SPEG: variants seen among roughly 807,000 people sequenced by gnomAD.
SPEG encodes the protein striated muscle enriched protein kinase.
Under a neutral mutation model 300.4 loss-of-function variants are expected in SPEG, and 114 were observed. The observed-to-expected ratio is 0.38, with a 90% CI of 0.33 to 0.44. The LOEUF is 0.44. SPEG is among the 20% of genes least tolerant of loss of function. The probability of loss-of-function intolerance (pLI) is 1.00; values close to 1 mark genes in which losing one functional copy is unlikely to be tolerated. For missense variants in SPEG, 4,201 were observed against 4,586.2 expected (o/e 0.92, Z 2.43); for synonymous variants, 1,964 against 2,018.9 (o/e 0.97, Z 0.73).
chr2:219,470,169 G>A (rs538212902), intron 13 of SPEG, among the ~76,000 whole-genome samples: 34 of 152,308 alleles, frequency 2.2e-4, no homozygotes, highest in Admixed American at 2.1e-3. Context: ...CTAAAGGTAT[G>A]ACAAGGACCA....
At position 219,479,273 on chromosome 2, in the gene SPEG, A is replaced by G. The variant is rs578056091; in HGVS notation, c.5085+72A>G. ...CCACCTGAGCTTTGAGAACCAACAAATGGGTCCTGAGTGTGCCATCTGTGC... is the reference window on the plus strand; with the variant it reads ...CCACCTGAGCTTTGAGAACCAACAAGTGGGTCCTGAGTGTGCCATCTGTGC... On this transcript the variant is annotated intron_variant, in intron 23 of 40. Transcript: ENST00000312358. This position sits in a 1 kb window ranked among gnomAD's most constrained non-coding sequence, Gnocchi z 5.5. The G allele has an allele frequency of 6.0e-6, 8 of 1,328,206 alleles. No individual in the cohort carries two copies. In the Admixed American group the frequency reaches 8.8e-5, roughly 15 times the overall value. 82.3% of individuals were successfully genotyped at this position (1,328,206 alleles called of 1,614,324 possible).
chr2:219,467,698 T>A (rs141122247), intron 10 of SPEG, among the ~76,000 whole-genome samples: 53 of 152,386 alleles, frequency 3.5e-4, no homozygotes, highest in African/African-American at 8.7e-4. Context: ...ACGCCTGCCC[T>A]GCAAGTCACC....
At position 219,488,606 on chromosome 2, in the gene SPEG, A is replaced by T; in HGVS notation, c.7967A>T (p.Glu2656Val). The T allele has an allele frequency of 6.2e-7, 1 of 1,612,082 alleles. No individual in the cohort carries two copies. The change falls in exon 33 of 41, where the codon GAG becomes GTG. Residue 2656 changes from glutamate to valine, a missense_variant. Transcript: ENST00000312358. ...GGCAAGCGGCACGCCGGTCTCTATG[A>T]GTGCTCGGCCACCAACGTACTGGGC... is the stretch of plus-strand genomic sequence containing the variant. ...RAGKRHAGLYECSATNVLGSI... is the reference protein window; with the variant it reads ...RAGKRHAGLYVCSATNVLGSI...
At chr2:219,435,903 C>A (rs1954706461) in intron 1 of SPEG, among the ~76,000 whole-genome samples, 1 of 152,194 alleles carries the variant, frequency 6.6e-6, no homozygotes, top group East Asian at 1.9e-4. Flanking sequence ...CTATGGTTGG[C>A]CACGTGTGAA....
Position 219,491,870 on chromosome 2 carries a change from G to GT in SPEG, c.9461+2dup. Reference sequence around the variant, plus strand: ...GAGCGGGTGTGCTCACTTACATTATGTGAGTGTCCCCTACCCCACCGCAGC... The same window carrying GT: ...GAGCGGGTGTGCTCACTTACATTATGTTGAGTGTCCCCTACCCCACCGCAGC... On this transcript the variant is annotated splice_donor_variant, in intron 39 of 40. Coordinates refer to ENST00000312358, the MANE Select transcript of SPEG (RefSeq NM_005876.5). LOFTEE classifies it high-confidence loss of function. The GT allele has an allele frequency of 6.2e-7, 1 of 1,600,856 alleles. No homozygotes were observed.
In SPEG at chr2:219,469,098, C is replaced by T. The variant is rs775223405; in HGVS notation, c.3491+50C>T. ...CTGGGGCTGCCTGTGAGGGGCCAGC[C>T]CAGCCCTGGGGTGGGAGGCACGGCC... is the stretch of plus-strand genomic sequence containing the variant. On this transcript the variant is annotated intron_variant, in intron 12 of 40. Transcript: ENST00000312358. The T allele has an allele frequency of 5.6e-6, 9 of 1,609,412 alleles. No homozygotes were observed. In the South Asian group the frequency reaches 8.8e-5, roughly 16 times the overall value.
chr2:219,454,043 G>A (rs933203352), intron 6 of SPEG, among the ~76,000 whole-genome samples: 19 of 152,250 alleles, frequency 1.2e-4, no homozygotes, highest in Non-Finnish European at 1.5e-5. Context: ...TGCAGCCACC[G>A]CCCTCTCTTG....
rs563926367 is a variant in SPEG, at chr2:219,460,421, C to T, written c.2441-1461C>T. 677 of 985,452 alleles carry T rather than the reference C, an allele frequency of 6.9e-4. 8 individuals are homozygous for T. The African/African-American group carries it at 0.011, about 16-fold the overall frequency. The allele number at this position is 985,452 out of a possible 1,614,324, so 61.0% of individuals were successfully genotyped here. A position where few individuals can be genotyped will look rare whatever the true frequency, so the allele number is the denominator to read the frequency against. On this transcript the variant is annotated intron_variant, in intron 6 of 40. Coordinates refer to ENST00000312358, the MANE Select transcript of SPEG (RefSeq NM_005876.5). Reference sequence around the variant, plus strand: ...AAGGGGCAACACAGGGAACATTTCCCACGGGCACCTTCTTTGGTGGACGTG... The same window carrying T: ...AAGGGGCAACACAGGGAACATTTCCTACGGGCACCTTCTTTGGTGGACGTG...
Position 219,451,115 on chromosome 2 carries a change from C to A in SPEG, c.2114-21C>A. The A allele has an allele frequency of 6.3e-7, 1 of 1,597,266 alleles. No homozygotes were observed. Among genetic ancestry groups the A allele is most frequent in the Non-Finnish European group, 8.5e-7 (1 of 1,172,280 alleles). ...CTGCAGGGATCATGGCCCCTTACCC[C>A]GTTATTCCTGTGTCCGGCAGAGTCT... On this transcript the variant is annotated intron_variant, in intron 4 of 40. Transcript: ENST00000312358. The surrounding 1 kb of genome is among the most constrained non-coding windows in gnomAD (Gnocchi z 6.4).
At chr2:219,450,851 G>T (rs1160782225) in intron 4 of SPEG, 3 of 327,436 alleles carry the variant, frequency 9.2e-6, no homozygotes, top group Non-Finnish European at 1.7e-5. Context: ...GTGCAGTCCT[G>T]TCTTTCTCCA....
intron 31 of SPEG, among the ~76,000 whole-genome samples, chr2:219,486,762 A>G (rs935210259): frequency 1.3e-5 from 2 of 151,988 alleles, no homozygotes; most frequent in African/African-American, 4.8e-5. Flanking sequence ...CGGGGCTGGC[A>G]GGGCTGGGCC....
In SPEG at chr2:219,492,710, G is replaced by C; in HGVS notation, c.9728G>C (p.Gly3243Ala). Residue 3243 changes from glycine to alanine, a missense_variant, in exon 41 of 41, where the codon GGC (glycine) becomes GCC (alanine). Physicochemically the swap from Gly to Ala is moderately conservative, Grantham distance 60. This residue lies in a region of SPEG where 318 missense variants were observed against 429.5 expected (regional missense o/e 0.74). Transcript: ENST00000312358. ...ACCAACCGGCTCAAGGAGTTCCTGG[G>C]CGAGCAGCGGCGGCGCCGGGCTGAG... The part of the protein sequence containing the change: ...FTTNRLKEFL[G>A]EQRRRRAEAA... The C allele has an allele frequency of 6.2e-7, 1 of 1,605,294 alleles. No homozygotes were observed. Among genetic ancestry groups the C allele is most frequent in the Non-Finnish European group, 8.5e-7 (1 of 1,179,528 alleles).
At position 219,462,329 on chromosome 2, in the gene SPEG, G is replaced by C; in HGVS notation, c.2648G>C (p.Gly883Ala). ...VSLMDQSVREGQDVIMSIRVQ... is the reference protein window; with the variant it reads ...VSLMDQSVREAQDVIMSIRVQ... The stretch of plus-strand genomic sequence containing the variant: ...CTTATGGACCAGTCAGTAAGAGAAG[G>C]CCAAGATGTCATCATGAGCATCCGC... The change falls in exon 8 of 41, where the codon GGC (glycine) becomes GCC (alanine). Residue 883 changes from glycine to alanine, a missense_variant. Gly to Ala is a moderately conservative substitution (Grantham distance 60, BLOSUM62 0). Transcript: ENST00000312358. The C allele has an allele frequency of 6.4e-7, 1 of 1,570,308 alleles. No homozygotes were observed. The highest frequency in any genetic ancestry group is 8.6e-7 in the Non-Finnish European group (1 of 1,156,450).
Position 219,485,367 on chromosome 2 carries a change from G to A in SPEG, c.7631G>A (p.Arg2544Gln). The A allele has an allele frequency of 1.2e-6, 2 of 1,606,086 alleles. No homozygotes were observed. The highest frequency in any genetic ancestry group is 1.7e-6 in the Non-Finnish European group (2 of 1,176,744). The change falls in exon 31 of 41, where the codon CGG (arginine) becomes CAG (glutamine). Residue 2544 changes from arginine (R) to glutamine (Q), a missense_variant. Physicochemically the swap from Arg to Gln is conservative, Grantham distance 43. This residue lies in a region of SPEG where 1,578 missense variants were observed against 1,506.0 expected (regional missense o/e 1.05). Transcript: ENST00000312358. ...ACAGCCCCAGGGGAAAGCCGAAGCCGGCTCCGCTGGGGCTTCTCTCGGCCG... is the reference window on the plus strand; with the variant it reads ...ACAGCCCCAGGGGAAAGCCGAAGCCAGCTCCGCTGGGGCTTCTCTCGGCCG... The part of the protein sequence containing the change: ...GSSAPGESRS[R>Q]LRWGFSRPRK...
chr2:219,460,541 G>A (rs1221043711), intron 6 of SPEG: 6 of 985,354 alleles, frequency 6.1e-6, no homozygotes, highest in Non-Finnish European at 7.2e-6. Flanking sequence ...CACACCTTGA[G>A]TCAAGGCACC....
intron 6 of SPEG, among the ~76,000 whole-genome samples, chr2:219,456,589 G>A (rs1690199381): frequency 6.6e-6 from 1 of 152,306 alleles, no homozygotes; most frequent in Non-Finnish European, 1.5e-5. Context: ...TTCCTCACCT[G>A]GAGCAAACTA....
chr2:219,470,517 G>A (rs902278070), intron 13 of SPEG, among the ~76,000 whole-genome samples: 2 of 152,214 alleles, frequency 1.3e-5, no homozygotes, highest in Admixed American at 1.3e-4. Context: ...GCTTCTGCCT[G>A]TATCTGGGGT....
In SPEG at chr2:219,489,958, G is replaced by A; in HGVS notation, c.8921+19G>A. The A allele has an allele frequency of 4.5e-6, 7 of 1,550,302 alleles. No homozygotes were observed. Among genetic ancestry groups the A allele is most frequent in the Non-Finnish European group, 6.1e-6 (7 of 1,144,460 alleles). On this transcript the variant is annotated intron_variant, in intron 36 of 40. Transcript: ENST00000312358. ...AAGCCAGGCAAGCAGGGCTGGGGAA[G>A]GGAAGAGGACAGAGGGGAGTGGGCC...
chr2:219,491,996 A>G (rs1694018549), intron 39 of SPEG, 115 bp from the exon 40 acceptor site: 25 of 1,357,200 alleles, frequency 1.8e-5, no homozygotes, highest in Non-Finnish European at 2.4e-5. Context: ...GCACACTCAC[A>G]CTCAGGTGCA....
Sources: allele counts gnomAD v4.1 joint callset (sites outside exome capture counted in the v4.1 genomes callset), GRCh38; gene constraint gnomAD v4.1.1; regional missense constraint gnomAD v4.1.1; non-coding constraint Gnocchi (gnomAD v3.1); transcripts MANE v1.5; gene names NCBI Gene and HGNC (gene_info 2026-07-23, HGNC 2026-07-21).